SETX: variants seen among roughly 807,000 people sequenced by gnomAD.
SETX encodes senataxin, also known as helicase senataxin.
In SETX, 90 loss-of-function variants were observed where a neutral mutation model predicts 227.2. The ratio of observed to expected loss-of-function variants is 0.40; its 90% CI spans 0.33 to 0.47. The LOEUF (loss-of-function observed/expected upper bound fraction) is 0.47, where lower values mean the gene tolerates loss of function less well. Ranked by LOEUF, SETX falls within the 20% of genes least tolerant of loss-of-function variation. SETX has a pLI of 0.91. For synonymous variants in SETX, 1,210 were observed against 1,113.2 expected, an observed-to-expected ratio of 1.09 and a Z score of -1.73; for missense variants, 3,052 against 3,181.5, an observed-to-expected ratio of 0.96 and a Z score of 0.98.
In SETX at chr9:132,265,012, A is replaced by T. The variant is rs188263740; in HGVS notation, c.7288-27T>A. The T allele has an allele frequency of 3.1e-6, 5 of 1,609,728 alleles. No homozygotes were observed. The East Asian group carries it at 8.9e-5, about 29-fold the overall frequency. On this transcript the variant is annotated intron_variant, in intron 25 of 25. Transcript: ENST00000224140. ...TTGAAACAATGAGAAGGGAGAAATA[A>T]TTACACCCCAAAGAGACACTGCTTG...
chr9:132,328,910 C>A lies in SETX; in HGVS notation c.2688G>T (p.Leu896Phe), dbSNP rs370551247. The A allele has an allele frequency of 4.6e-5, 74 of 1,613,464 alleles. No individual in the cohort carries two copies. The African/African-American group carries it at 9.3e-4, about 20-fold the overall frequency. Residue 896 changes from leucine to phenylalanine, a missense_variant, in exon 10 of 26, where the codon TTG becomes TTT. Transcript: ENST00000224140. ...CATTGGTCATTTCTGTAAAAGGGAT[C>A]AATTCTTTACCATCAACATGAAATT... ...IQEFHVDGKE[L>F]IPFTEMTNAS...
chr9:132,316,151 C>T (rs1003684206), intron 10 of SETX, among the ~76,000 whole-genome samples: 3 of 152,118 alleles, frequency 2.0e-5, no homozygotes, highest in African/African-American at 7.2e-5. Flanking sequence ...GACGAGGCTA[C>T]GCAGGAATAA....
rs1178125929 is a variant in SETX, at chr9:132,311,769, A to G, written c.5362T>C (p.Trp1788Arg). The G allele has an allele frequency of 1.2e-6, 2 of 1,611,582 alleles. No homozygotes were observed. Among genetic ancestry groups the G allele is most frequent in the Non-Finnish European group, 1.7e-6 (2 of 1,178,060 alleles). The change falls in exon 11 of 26, where the codon TGG (tryptophan) becomes CGG (arginine). Residue 1788 changes from tryptophan (W) to arginine (R), a missense_variant. Physicochemically the swap from Trp to Arg is moderately radical, Grantham distance 101 (BLOSUM62 -3). Transcript: ENST00000224140. ...AGAAAAAACTTACCTGCAAACTCCCAGTATTTTATATAATCGGCAGGAAAT... is the reference window on the plus strand; with the variant it reads ...AGAAAAAACTTACCTGCAAACTCCCGGTATTTTATATAATCGGCAGGAAAT... Reference protein sequence around the residue: ...RKFPADYIKYWEFAVYLEECE... With the variant: ...RKFPADYIKYREFAVYLEECE...
intron 7 of SETX, among the ~76,000 whole-genome samples, chr9:132,333,387 AAAAAAAAAAAG>A (rs1211933740): frequency 1.8e-4 from 9 of 50,006 alleles, no homozygotes; most frequent in East Asian, 8.9e-4. Context: ...CAAAAAGAAA[AAAAAAAAAAAG>A]AAAAAAAAAA....
At chr9:132,315,345 A>C (rs865851880) in intron 10 of SETX, among the ~76,000 whole-genome samples, 24 of 152,188 alleles carry the variant, frequency 1.6e-4, no homozygotes, top group African/African-American at 5.8e-4. Flanking sequence ...AAAACAGACA[A>C]AGCAACTGAC....
intron 18 of SETX, among the ~76,000 whole-genome samples, chr9:132,283,925 T>A (rs144695238): frequency 1.3e-4 from 20 of 152,308 alleles, no homozygotes; most frequent in African/African-American, 4.6e-4. Context: ...AGGAACAGTC[T>A]GGTCTCCCTC....
At chr9:132,323,748 C>G (rs527344427) in intron 10 of SETX, among the ~76,000 whole-genome samples, 1 of 152,082 alleles carries the variant, frequency 6.6e-6, no homozygotes, top group African/African-American at 2.4e-5. Context: ...ACTAAAAATA[C>G]AAAAATTAGC....
Position 132,297,376 on chromosome 9 carries a change from T to A in SETX, c.5782-322A>T, listed in dbSNP as rs1005823820. Among the ~76,000 whole-genome samples, 4 of 152,246 alleles carry A rather than the reference T, an allele frequency of 2.6e-5. No individual in the cohort carries two copies. In the East Asian group the frequency reaches 5.8e-4, roughly 22 times the overall value. On this transcript the variant is annotated intron_variant, in intron 13 of 25. Coordinates refer to ENST00000224140, the MANE Select transcript of SETX (RefSeq NM_015046.7). ...TTACTAATCCACAACTTTTCTTCTA[T>A]TTACTACTCTGTTTTTTTCCTTCTT...
intron 4 of SETX, 81 bp downstream of exon 4, chr9:132,346,180 T>C (rs532476848): frequency 1.6e-4 from 177 of 1,138,894 alleles, no homozygotes; most frequent in African/African-American, 1.4e-4. Context: ...GCAAACAAAT[T>C]TGCAATATAG....
rs760777652 is a variant in SETX, at chr9:132,328,072, G to A, written c.3526C>T (p.Pro1176Ser). Residue 1176 changes from proline to serine, a missense_variant, in exon 10 of 26, where the codon CCT becomes TCT. By Grantham distance (74) the Pro-to-Ser change is moderately conservative. Around this residue, in one of 10 missense-constraint regions of SETX, gnomAD observed 1,483 missense variants for 1,312.0 expected, o/e 1.13. Coordinates refer to ENST00000224140, the MANE Select transcript of SETX (RefSeq NM_015046.7). ...CCCTCATTTCTGACAGAAGATGAAG[G>A]CCTCACAGGATCTTCAGCCATTGGT... ...EKPMAEDPVR[P>S]SSSVRNEGQS... 2 of 1,614,070 alleles carry A rather than the reference G, an allele frequency of 1.2e-6. No individual in the cohort carries two copies. Among genetic ancestry groups the A allele is most frequent in the Non-Finnish European group, 1.7e-6 (2 of 1,180,006 alleles).
chr9:132,295,968 G>A lies in SETX; in HGVS notation c.6010C>T (p.Leu2004Phe). Residue 2004 changes from leucine (L) to phenylalanine (F), a missense_variant, in exon 15 of 26, where the codon CTC becomes TTC. Leu to Phe is a conservative substitution (Grantham distance 22, BLOSUM62 0). This residue lies in a region of SETX where 412 missense variants were observed against 589.0 expected (regional missense o/e 0.70). Coordinates refer to ENST00000224140, the MANE Select transcript of SETX (RefSeq NM_015046.7). ...SNAKIKQNRV[L>F]VCAPSNAAVD... ...GCTGCATTGGAAGGTGCACACACGAGGACACGGTTTTGTTTGATTTTGGCA... is the reference window on the plus strand; with the variant it reads ...GCTGCATTGGAAGGTGCACACACGAAGACACGGTTTTGTTTGATTTTGGCA... The A allele has an allele frequency of 6.2e-7, 1 of 1,614,138 alleles. No homozygotes were observed. The highest frequency in any genetic ancestry group is 8.5e-7 in the Non-Finnish European group (1 of 1,180,036).
In SETX at chr9:132,326,574, G is replaced by A. The variant is rs1456069841; in HGVS notation, c.5024C>T (p.Pro1675Leu). 14 of 1,614,070 alleles carry A rather than the reference G, an allele frequency of 8.7e-6. No individual in the cohort carries two copies. The highest frequency in any genetic ancestry group is 1.3e-5 in the African/African-American group (1 of 74,928). ...TGGAAAATATTTGCTTTCACCAAAT[G>A]GAACTTTGCAACCTTGCCTGTTGGA... is the stretch of plus-strand genomic sequence containing the variant. The part of the protein sequence containing the change: ...NNSNRQGCKV[P>L]FGESKYFPSS... The change falls in exon 10 of 26, where the codon CCA becomes CTA. Residue 1675 changes from proline (P) to leucine (L), a missense_variant. Pro to Leu is a moderately conservative substitution (Grantham distance 98, BLOSUM62 -3). Around this residue, in one of 10 missense-constraint regions of SETX, gnomAD observed 1,483 missense variants for 1,312.0 expected, o/e 1.13. Transcript: ENST00000224140.
intron 11 of SETX, among the ~76,000 whole-genome samples, chr9:132,302,913 T>C (rs376660311): frequency 6.6e-6 from 1 of 152,188 alleles, no homozygotes; most frequent in African/African-American, 2.4e-5. Flanking sequence ...TCAACTGATA[T>C]TCCGACAAAT....
intron 11 of SETX, among the ~76,000 whole-genome samples, chr9:132,307,212 C>T (rs1845384628): frequency 6.6e-6 from 1 of 152,094 alleles, no homozygotes; most frequent in Non-Finnish European, 1.5e-5. Context: ...CCAAGATCAG[C>T]TACTGCACTC....
intron 7 of SETX, among the ~76,000 whole-genome samples, chr9:132,333,740 TTATC>T (rs1453172094): frequency 6.6e-6 from 1 of 152,110 alleles, no homozygotes; most frequent in Non-Finnish European, 1.5e-5. Context: ...TTAGGCCTCA[TTATC>T]TAGACTATCT....
At chr9:132,317,190 G>T (rs1344387305) in intron 10 of SETX, among the ~76,000 whole-genome samples, 1 of 152,190 alleles carries the variant, frequency 6.6e-6, no homozygotes, top group Non-Finnish European at 1.5e-5. Context: ...CAGGTGTGCA[G>T]TTCCAGTTCC....
chr9:132,294,425 T>A (rs911007952), intron 15 of SETX, among the ~76,000 whole-genome samples: 3 of 152,238 alleles, frequency 2.0e-5, no homozygotes, highest in Non-Finnish European at 4.4e-5. Flanking sequence ...TAGCAGTTAA[T>A]ATGAGTGACT....
At chr9:132,325,080 GAC>G (rs1237529233) in intron 10 of SETX, among the ~76,000 whole-genome samples, 1 of 152,218 alleles carries the variant, frequency 6.6e-6, no homozygotes, top group African/African-American at 2.4e-5. Context: ...CTGGCGGCCA[GAC>G]GCAGTGGCTC....
At chr9:132,279,467 A>G (rs1843370871) in intron 20 of SETX, among the ~76,000 whole-genome samples, 1 of 152,348 alleles carries the variant, frequency 6.6e-6, no homozygotes, top group East Asian at 1.9e-4. Flanking sequence ...TGAAGTAAAA[A>G]TGTGCTGAAA....
Sources: allele counts gnomAD v4.1 joint callset (sites outside exome capture counted in the v4.1 genomes callset), GRCh38; gene constraint gnomAD v4.1.1; regional missense constraint gnomAD v4.1.1; transcripts MANE v1.5; gene names NCBI Gene and HGNC (gene_info 2026-07-23, HGNC 2026-07-21).